Variants in CADM1 observed in about 807,000 individuals in gnomAD.
The protein encoded by CADM1 is TSLC-1.
A neutral mutation model predicts 53.1 loss-of-function variants in CADM1; 15 were observed. The ratio of observed to expected loss-of-function variants is 0.28; its 90% confidence interval spans 0.19 to 0.44. The LOEUF (loss-of-function observed/expected upper bound fraction) is 0.44. CADM1 is among the 20% of genes least tolerant of loss of function. The probability of loss-of-function intolerance (pLI) is 1.00; values close to 1 mark genes in which losing one functional copy is unlikely to be tolerated. For synonymous variants in CADM1, 281 were observed against 243.0 expected, an observed-to-expected ratio of 1.16 and a Z score of -1.45; for missense variants, 434 against 611.3, an observed-to-expected ratio of 0.71 and a Z score of 3.06.
At chr11:115,380,989 C>T (rs989153125) in intron 1 of CADM1, among the ~76,000 whole-genome samples, 1 of 152,090 alleles carries the variant, frequency 6.6e-6, no homozygotes, top group Non-Finnish European at 1.5e-5. Context: ...GGTTCCCTTT[C>T]ATACAAACCT....
intron 1 of CADM1, among the ~76,000 whole-genome samples, chr11:115,419,778 G>C (rs973127952): frequency 1.3e-5 from 2 of 152,178 alleles, no homozygotes; most frequent in African/African-American, 4.8e-5. Flanking sequence ...GTTGGGAACA[G>C]ATGCTAAAAT....
intron 1 of CADM1, among the ~76,000 whole-genome samples, chr11:115,340,658 ATTTTT>A (rs869273547): frequency 2.9e-4 from 10 of 34,938 alleles, no homozygotes; most frequent in South Asian, 3.0e-3. Context: ...ATATATATAT[ATTTTT>A]TTTTTTTTTT....
rs1341683231 is a variant in CADM1 at position 115,198,401 on chromosome 11, C to A, written c.1111+5G>T. Reference sequence around the variant, plus strand: ...AAAGTAGATAAACAGTAATGTGATACCAACCGTGAACTGCTGGTTCTGTCG... The same window carrying A: ...AAAGTAGATAAACAGTAATGTGATAACAACCGTGAACTGCTGGTTCTGTCG... On this transcript the variant is annotated splice_donor_5th_base_variant and intron_variant, in intron 9 of 11. Transcript: ENST00000331581. The A allele has an allele frequency of 6.3e-7, 1 of 1,593,260 alleles. No homozygotes were observed.
chr11:115,413,644 C>CTTTTTGTTTTTTTTTTTTTTTTTTT, intron 1 of CADM1, among the ~76,000 whole-genome samples: 1 of 120,914 alleles, frequency 8.3e-6, no homozygotes, highest in Non-Finnish European at 1.8e-5. Context: ...CAGCTCAGTT[C>CTTTTTGTTTTTTTTTTTTTTTTTTT]TTTTTTTTTT....
chr11:115,480,653 C>T (rs113914645), intron 1 of CADM1, among the ~76,000 whole-genome samples: 83 of 152,280 alleles, frequency 5.5e-4, no homozygotes, highest in African/African-American at 1.8e-3. Context: ...GTCACTGCAA[C>T]GTAATGTTTC....
At chr11:115,238,402 G>A in intron 3 of CADM1, 98 bp downstream of exon 3, 2 of 1,315,600 alleles carry the variant, frequency 1.5e-6, no homozygotes, top group South Asian at 2.4e-5. Flanking sequence ...CCTGAAACAA[G>A]TTTGAACAGG....
intron 1 of CADM1, among the ~76,000 whole-genome samples, chr11:115,340,626 T>TA (rs1945404225): frequency 2.1e-5 from 1 of 48,246 alleles, no homozygotes; most frequent in African/African-American, 9.5e-5. Flanking sequence ...ATAATAAATA[T>TA]TATATATATA....
chr11:115,262,580 C>A (rs189493365), intron 1 of CADM1, among the ~76,000 whole-genome samples: 3 of 152,144 alleles, frequency 2.0e-5, no homozygotes, highest in African/African-American at 4.8e-5. Context: ...TAAAAGCAAG[C>A]GATGAACAAA....
chr11:115,485,858 A>G (rs1203751008), intron 1 of CADM1, among the ~76,000 whole-genome samples: 2 of 152,150 alleles, frequency 1.3e-5, no homozygotes, highest in African/African-American at 2.4e-5. Flanking sequence ...CCTTTCTACT[A>G]AACTCTTATT....
rs1197682134 is a variant in CADM1 at position 115,176,156 on chromosome 11, C to CAACA, written c.*314_*317dup. On this transcript the variant is annotated 3_prime_UTR_variant, in exon 12 of 12. Transcript: ENST00000331581. ...CACAAAGGGGGAAAAGAAAGGAACGCAACAAACAAACAAAAAACAAGGCAC... is the reference window on the plus strand; with the variant it reads ...CACAAAGGGGGAAAAGAAAGGAACGCAACAAACAAACAAACAAAAAACAAGGCAC... 1 of 1,176,008 alleles carries CAACA rather than the reference C, an allele frequency of 8.5e-7. No homozygotes were observed. The highest frequency in any genetic ancestry group is 1.1e-6 in the Non-Finnish European group (1 of 937,974). 72.8% of individuals were successfully genotyped at this position (1,176,008 alleles called of 1,614,324 possible).
intron 1 of CADM1, among the ~76,000 whole-genome samples, chr11:115,317,968 C>T (rs1449735399): frequency 7.2e-6 from 1 of 139,810 alleles, no homozygotes; most frequent in African/African-American, 2.7e-5. Context: ...TTACATTATA[C>T]ATCCTATTAC....
At chr11:115,231,570 A>G in intron 3 of CADM1, 80 bp from the exon 4 acceptor site, 1 of 1,316,942 alleles carries the variant, frequency 7.6e-7, no homozygotes, top group Non-Finnish European at 1.1e-6. Context: ...AAAACAGTAG[A>G]CATTCCTGAT....
rs985640698 is a variant in CADM1, at chr11:115,275,485, T to C, written c.125-35065A>G. ...CATCTATGAAATAGAGAGAAAAATT[T>C]CTGTCAATTCCATTTGTATGGCATA... On this transcript the variant is annotated intron_variant, in intron 1 of 11. Transcript: ENST00000331581. 1.3e-4 allele frequency among the ~76,000 whole-genome samples: 20 copies of C among 152,206 alleles called. 3 individuals are homozygous for C. The highest frequency in any genetic ancestry group is 1.2e-3 in the Admixed American group (19 of 15,274).
At position 115,407,873 on chromosome 11, in the gene CADM1, TAAAAAAAAAAAAAAA is replaced by T. The variant is rs148209064; in HGVS notation, c.124+96383_124+96397del. ...AGAAGGAAAGTAAGACCCTGTCATT[TAAAAAAAAAAAAAAA>T]AAAAAAAAAAAAAAAAAAGGCAGAG... On this transcript the variant is annotated intron_variant, in intron 1 of 11. Coordinates refer to ENST00000331581, the MANE Select transcript of CADM1 (RefSeq NM_001301043.2). Among the ~76,000 whole-genome samples, 63 of 31,762 alleles carry T rather than the reference TAAAAAAAAAAAAAAA, an allele frequency of 2.0e-3. 1 individual carries two copies. The East Asian group carries it at 0.043, about 22-fold the overall frequency. The allele number at this position is 31,762 out of a possible 152,430, so 20.8% of individuals were successfully genotyped here. A position where few individuals can be genotyped will look rare whatever the true frequency, so the allele number is the denominator to read the frequency against.
At chr11:115,230,278 C>T (rs965053111) in intron 4 of CADM1, among the ~76,000 whole-genome samples, 7 of 152,150 alleles carry the variant, frequency 4.6e-5, no homozygotes, top group Non-Finnish European at 8.8e-5. Flanking sequence ...TTCTCACGCT[C>T]TTTATTTATT....
At chr11:115,416,698 T>TACACACACACACACAC (rs34112529) in intron 1 of CADM1, among the ~76,000 whole-genome samples, 18 of 141,468 alleles carry the variant, frequency 1.3e-4, no homozygotes, top group African/African-American at 4.0e-4. Context: ...AAGGATTAAA[T>TACACACACACACACAC]ACACACACAC....
intron 1 of CADM1, among the ~76,000 whole-genome samples, chr11:115,434,910 G>A (rs891849386): frequency 2.1e-5 from 3 of 143,378 alleles, no homozygotes; most frequent in Non-Finnish European, 4.5e-5. Flanking sequence ...ACCCAGGCTA[G>A]AGCGCAATGG....
Position 115,263,330 on chromosome 11 carries a change from G to A in CADM1, c.125-22910C>T, listed in dbSNP as rs141614033. On this transcript the variant is annotated intron_variant, in intron 1 of 11. Transcript: ENST00000331581. The stretch of plus-strand genomic sequence containing the variant: ...TCTCCTAAGAGGGAGCAGTATTAAA[G>A]AATTTGTAGATATATGTGTATGTTA... Among the ~76,000 whole-genome samples, 27 of 152,340 alleles carry A rather than the reference G, an allele frequency of 1.8e-4. No individual in the cohort carries two copies. In the East Asian group the frequency reaches 4.6e-3, roughly 26 times the overall value.
chr11:115,486,200 A>G (rs1949369832), intron 1 of CADM1, among the ~76,000 whole-genome samples: 1 of 152,196 alleles, frequency 6.6e-6, no homozygotes, highest in Non-Finnish European at 1.5e-5. Flanking sequence ...TTTCTAATGG[A>G]AGATCCTCTC....
Sources: allele counts gnomAD v4.1 joint callset (sites outside exome capture counted in the v4.1 genomes callset), GRCh38; gene constraint gnomAD v4.1.1; transcripts MANE v1.5; gene names NCBI Gene and HGNC (gene_info 2026-07-23, HGNC 2026-07-21).